LIN9: variants seen among roughly 807,000 people sequenced by gnomAD.
The protein encoded by LIN9 is lin-9 DREAM MuvB core complex component.
Under a neutral mutation model 78.0 loss-of-function variants are expected in LIN9, and 18 were observed. The observed-to-expected ratio is 0.23, with a 90% CI of 0.16 to 0.34. LIN9 has a LOEUF of 0.34. Among genes scored for constraint, LIN9 ranks in the 10% least tolerant of loss-of-function variants. The pLI, the probability that LIN9 is intolerant of heterozygous loss-of-function variation, is 1.00. For missense variants in LIN9, 451 were observed against 644.1 expected, an observed-to-expected ratio of 0.70 and a Z score of 3.25; for synonymous variants, 192 against 215.2, an observed-to-expected ratio of 0.89 and a Z score of 0.94.
chr1:226,266,856 T>C (rs1390583450), intron 8 of LIN9, among the ~76,000 whole-genome samples: 2 of 151,840 alleles, frequency 1.3e-5, no homozygotes, highest in African/African-American at 4.8e-5. Flanking sequence ...CTCGGATCAC[T>C]GCAGCCTCCA....
chr1:226,302,244 T>C (rs1468282848), intron 1 of LIN9, among the ~76,000 whole-genome samples: 3 of 151,686 alleles, frequency 2.0e-5, no homozygotes, highest in Non-Finnish European at 4.4e-5. Context: ...GTAGGGAAAG[T>C]AGAAAAATCA....
chr1:226,279,638 G>C (rs1660912169), intron 6 of LIN9, among the ~76,000 whole-genome samples: 1 of 147,128 alleles, frequency 6.8e-6, no homozygotes, highest in Admixed American at 6.8e-5. Flanking sequence ...AGCTGGGTGT[G>C]GCGGAATGAG....
intron 10 of LIN9, among the ~76,000 whole-genome samples, chr1:226,263,646 T>C (rs1017828635): frequency 2.0e-5 from 3 of 152,148 alleles, no homozygotes; most frequent in African/African-American, 7.2e-5. Flanking sequence ...AAAGAAAAAA[T>C]TAAAAACAAG....
intron 1 of LIN9, among the ~76,000 whole-genome samples, chr1:226,302,300 T>C (rs989384520): frequency 6.6e-6 from 1 of 152,024 alleles, no homozygotes; most frequent in Non-Finnish European, 1.5e-5. Flanking sequence ...TCCCAGCACT[T>C]TGGGAGGCCG....
In LIN9 at chr1:226,233,188, T is replaced by C; in HGVS notation, c.1431A>G (p.Leu477=). ...AGGAATTCAGGTCTCCTCCTTCTGC[T>C]AGACACTAAAGGGAAAAAAATTTCA... ...LTAILLQIKC[L]AEGGDLNSFE... is the part of the protein sequence containing the mutation. The change falls in exon 14 of 15, where the codon CTA becomes CTG. Residue 477 remains leucine (L), a synonymous_variant. Transcript: ENST00000681046. 3 of 1,601,814 alleles carry C rather than the reference T, an allele frequency of 1.9e-6. No homozygotes were observed. Among genetic ancestry groups the C allele is most frequent in the Non-Finnish European group, 2.6e-6 (3 of 1,175,456 alleles).
At chr1:226,257,033 A>C (rs1280534534) in intron 10 of LIN9, among the ~76,000 whole-genome samples, 1 of 152,038 alleles carries the variant, frequency 6.6e-6, no homozygotes, top group Non-Finnish European at 1.5e-5. Flanking sequence ...GGCTCCCTGC[A>C]GCCTCCACCT....
Position 226,252,335 on chromosome 1 carries a change from A to G in LIN9, c.1039-1416T>C, listed in dbSNP as rs201659567. ...AAATAAATAAATGAATGAATGAATGAATGTCTCCTATCAAAAGAACACAAA... is the reference window on the plus strand; with the variant it reads ...AAATAAATAAATGAATGAATGAATGGATGTCTCCTATCAAAAGAACACAAA... On this transcript the variant is annotated intron_variant, in intron 10 of 14. Transcript: ENST00000681046. Among the ~76,000 whole-genome samples, 159 of 151,560 alleles carry G rather than the reference A, an allele frequency of 1.0e-3. 1 individual carries two copies. Among genetic ancestry groups the G allele is most frequent in the African/African-American group, 3.5e-3 (146 of 41,262 alleles).
At chr1:226,252,711 G>A (rs1197498105) in intron 10 of LIN9, among the ~76,000 whole-genome samples, 1 of 152,128 alleles carries the variant, frequency 6.6e-6, no homozygotes, top group Non-Finnish European at 1.5e-5. Context: ...GGTAGCTCAC[G>A]CCTATAATCC....
intron 10 of LIN9, among the ~76,000 whole-genome samples, chr1:226,255,302 GC>G (rs1383408630): frequency 6.6e-6 from 1 of 152,134 alleles, no homozygotes; most frequent in Non-Finnish European, 1.5e-5. Flanking sequence ...TCTTAGCAAG[GC>G]CTGCCCTCAG....
At chr1:226,255,765 T>C (rs1353003076) in intron 10 of LIN9, among the ~76,000 whole-genome samples, 1 of 151,994 alleles carries the variant, frequency 6.6e-6, no homozygotes, top group Non-Finnish European at 1.5e-5. Context: ...TCCACAACAG[T>C]TATCTCAGAA....
intron 6 of LIN9, among the ~76,000 whole-genome samples, chr1:226,278,554 T>C (rs1158562413): frequency 6.6e-6 from 1 of 152,242 alleles, no homozygotes; most frequent in African/African-American, 2.4e-5. Context: ...CCGGGCGTGG[T>C]GGCTCATGCC....
At chr1:226,309,725 G>A (rs1481274220), upstream of LIN9, 2 of 1,287,758 alleles carry the variant, frequency 1.6e-6, no homozygotes, top group Non-Finnish European at 2.0e-6. Context: ...TCCGGGACTC[G>A]GTCCCAGCGG....
chr1:226,283,751 C>T (rs954606057), intron 6 of LIN9, among the ~76,000 whole-genome samples: 1 of 152,048 alleles, frequency 6.6e-6, no homozygotes, highest in African/African-American at 2.4e-5. Flanking sequence ...TGTTTGAGAC[C>T]AGTCTGACCA....
chr1:226,277,280 A>C (rs1275452817), intron 7 of LIN9, among the ~76,000 whole-genome samples: 1 of 152,106 alleles, frequency 6.6e-6, no homozygotes, highest in Non-Finnish European at 1.5e-5. Context: ...TAGATTATTA[A>C]ATTTCATCTT....
intron 10 of LIN9, among the ~76,000 whole-genome samples, chr1:226,262,878 G>T (rs1659680840): frequency 6.6e-6 from 1 of 152,142 alleles, no homozygotes; most frequent in Non-Finnish European, 1.5e-5. Context: ...AAATTTGAAA[G>T]CAACCAAGAT....
intron 12 of LIN9, among the ~76,000 whole-genome samples, chr1:226,236,156 G>A (rs1421304409): frequency 6.6e-6 from 1 of 151,854 alleles, no homozygotes; most frequent in African/African-American, 2.4e-5. Flanking sequence ...ATGAATAACT[G>A]TATCCTTTAA....
In LIN9 at chr1:226,231,313, T is replaced by C. The variant is rs1657316095; in HGVS notation, c.*1188A>G. Reference sequence around the variant, plus strand: ...AAAGAATACGGAAGCCTTTTTAAACTATACAAAAATTTCAAATGGAAAATA... The same window carrying C: ...AAAGAATACGGAAGCCTTTTTAAACCATACAAAAATTTCAAATGGAAAATA... On this transcript the variant is annotated 3_prime_UTR_variant, in exon 15 of 15. Transcript: ENST00000681046. The C allele has an allele frequency of 6.6e-6, 1 of 152,564 alleles. No individual in the cohort carries two copies. Among genetic ancestry groups the C allele is most frequent in the Admixed American group, 6.5e-5 (1 of 15,278 alleles). The allele number at this position is 152,564 out of a possible 1,614,324, so 9.5% of individuals were successfully genotyped here.
intron 1 of LIN9, among the ~76,000 whole-genome samples, chr1:226,301,648 G>A (rs1273511167): frequency 2.0e-5 from 3 of 152,188 alleles, no homozygotes. Context: ...CAAGCAATAA[G>A]TCCCTTGAAA....
At chr1:226,264,744 G>C (rs1269344793) in intron 10 of LIN9, among the ~76,000 whole-genome samples, 1 of 152,040 alleles carries the variant, frequency 6.6e-6, no homozygotes, top group Non-Finnish European at 1.5e-5. Context: ...AGCTACTCAG[G>C]AGGCTGAAGC....
Sources: allele counts gnomAD v4.1 joint callset (sites outside exome capture counted in the v4.1 genomes callset), GRCh38; gene constraint gnomAD v4.1.1; transcripts MANE v1.5; gene names NCBI Gene and HGNC (gene_info 2026-07-23, HGNC 2026-07-21).